Variants in DHRSX observed in about 807,000 individuals in gnomAD.
DHRSX encodes dehydrogenase/reductase X-linked.
In DHRSX, 31 loss-of-function variants were observed where a neutral mutation model predicts 34.0. The ratio of observed to expected loss-of-function variants is 0.91; its 90% confidence interval spans 0.69 to 1.23. The LOEUF (loss-of-function observed/expected upper bound fraction) is 1.23, where lower values mean the gene tolerates loss of function less well. DHRSX is among the 50% of genes most tolerant of loss of function. The probability of loss-of-function intolerance (pLI) is 0.00; values close to 1 mark genes in which losing one functional copy is unlikely to be tolerated. For synonymous variants in DHRSX, 201 were observed against 183.8 expected (o/e 1.09, Z -0.76); for missense variants, 414 against 428.1 (o/e 0.97, Z 0.29).
intron 6 of DHRSX, among the ~76,000 whole-genome samples, chrX:2,231,813 C>CT (rs1184994116): frequency 9.7e-5 from 11 of 113,106 alleles, no homozygotes; most frequent in African/African-American, 4.8e-4. Flanking sequence ...CTCTCTCTCC[C>CT]TTCCTCTTCC....
intron 2 of DHRSX, among the ~76,000 whole-genome samples, chrX:2,412,387 T>G (rs1278258611): frequency 6.6e-6 from 1 of 152,130 alleles, no homozygotes; most frequent in East Asian, 1.9e-4. Context: ...CCCGGCCTGG[T>G]TTTTTTCACA....
At chrX:2,333,654 C>A (rs1161294224) in intron 3 of DHRSX, among the ~76,000 whole-genome samples, 2 of 152,102 alleles carry the variant, frequency 1.3e-5, no homozygotes, top group Non-Finnish European at 2.9e-5. Context: ...ACCTCGTGAT[C>A]TGCCCACCTC....
intron 3 of DHRSX, among the ~76,000 whole-genome samples, chrX:2,401,161 G>A (rs2043481564): frequency 6.7e-6 from 1 of 150,016 alleles, no homozygotes; most frequent in Non-Finnish European, 1.5e-5. Context: ...CCAGGCCGGA[G>A]TGCAGTGGCA....
At chrX:2,259,400 A>ATT (rs2041332487) in intron 5 of DHRSX, among the ~76,000 whole-genome samples, 1 of 120,960 alleles carries the variant, frequency 8.3e-6, no homozygotes, top group Non-Finnish European at 1.7e-5. Context: ...ATATAGATAT[A>ATT]TATATAGATA....
intron 2 of DHRSX, among the ~76,000 whole-genome samples, chrX:2,417,338 A>G (rs183345102): frequency 0.028 from 4,227 of 152,278 alleles, 86 homozygotes; most frequent in Non-Finnish European, 0.047. Flanking sequence ...TCAGTCAACT[A>G]GACCTCACTG....
At chrX:2,445,633 A>C (rs2044121349) in intron 1 of DHRSX, among the ~76,000 whole-genome samples, 1 of 151,606 alleles carries the variant, frequency 6.6e-6, no homozygotes, top group Non-Finnish European at 1.5e-5. Context: ...TTCCCTAAGA[A>C]TGCGGCCAAG....
At position 2,291,498 on chromosome X, in the gene DHRSX, T is replaced by C; in HGVS notation, c.388+4A>G. 1 of 1,611,748 alleles carries C rather than the reference T, an allele frequency of 6.2e-7. No homozygotes were observed. Among genetic ancestry groups the C allele is most frequent in the Non-Finnish European group, 8.5e-7 (1 of 1,178,078 alleles). On this transcript the variant is annotated splice_donor_region_variant and intron_variant, in intron 4 of 6. Coordinates refer to ENST00000334651, the MANE Select transcript of DHRSX (RefSeq NM_145177.3). ...TGGCTTGCTGCAATTTCACCAGGACTCACCATTGTTGATCAGGACATGGAG... is the reference window on the plus strand; with the variant it reads ...TGGCTTGCTGCAATTTCACCAGGACCCACCATTGTTGATCAGGACATGGAG...
intron 5 of DHRSX, among the ~76,000 whole-genome samples, chrX:2,255,215 G>A (rs1247225461): frequency 3.3e-5 from 5 of 151,962 alleles, no homozygotes; most frequent in Admixed American, 6.6e-5. Context: ...GACTTTTTCC[G>A]CTAAGAGAAA....
chrX:2,435,187 G>A (rs750757021), intron 1 of DHRSX, among the ~76,000 whole-genome samples: 1 of 152,224 alleles, frequency 6.6e-6, no homozygotes, highest in South Asian at 2.1e-4. Flanking sequence ...GGGGTTGTTG[G>A]TGAAAGAAAT....
intron 2 of DHRSX, among the ~76,000 whole-genome samples, chrX:2,421,767 A>C (rs2043783090): frequency 6.6e-6 from 1 of 152,232 alleles, no homozygotes; most frequent in South Asian, 2.1e-4. Context: ...CGAGGCTCAG[A>C]ACGCTAGCAG....
At chrX:2,225,727 C>T (rs1229459417) in intron 6 of DHRSX, among the ~76,000 whole-genome samples, 1 of 149,142 alleles carries the variant, frequency 6.7e-6, no homozygotes, top group Non-Finnish European at 1.5e-5. Context: ...AGAGGGACAA[C>T]CCTGTGAGGA....
At chrX:2,263,587 C>T (rs1427377305) in intron 5 of DHRSX, among the ~76,000 whole-genome samples, 1 of 148,874 alleles carries the variant, frequency 6.7e-6, no homozygotes, top group Non-Finnish European at 1.5e-5. Flanking sequence ...GATCTTGGCT[C>T]ACCACAACCT....
intron 3 of DHRSX, among the ~76,000 whole-genome samples, chrX:2,385,953 G>A (rs2043266203): frequency 1.3e-5 from 2 of 151,980 alleles, no homozygotes; most frequent in South Asian, 4.2e-4. Flanking sequence ...TGGGCCATAA[G>A]GTCTCTGTTG....
intron 5 of DHRSX, among the ~76,000 whole-genome samples, chrX:2,263,793 G>A (rs1374303889): frequency 2.0e-5 from 3 of 152,156 alleles, no homozygotes; most frequent in Non-Finnish European, 2.9e-5. Flanking sequence ...TGACAGGCGT[G>A]AGCCACCACA....
At chrX:2,257,540 G>A (rs1446314509) in intron 5 of DHRSX, among the ~76,000 whole-genome samples, 1 of 152,178 alleles carries the variant, frequency 6.6e-6, no homozygotes, top group East Asian at 1.9e-4. Context: ...GTATCTCATG[G>A]ACTGAATTAC....
chrX:2,392,229 CA>C (rs1199445195), intron 3 of DHRSX: 1 of 154,682 alleles, frequency 6.5e-6, no homozygotes, highest in African/African-American at 2.4e-5. Flanking sequence ...CCCTTCACTT[CA>C]ATGGGATTTA....
At chrX:2,244,904 G>T (rs1211091200) in intron 5 of DHRSX, among the ~76,000 whole-genome samples, 1 of 151,816 alleles carries the variant, frequency 6.6e-6, no homozygotes, top group Non-Finnish European at 1.5e-5. Flanking sequence ...TAGAGACGAG[G>T]TTTCACCATG....
At chrX:2,492,778 G>C (rs1247877580) in intron 1 of DHRSX, among the ~76,000 whole-genome samples, 1 of 152,202 alleles carries the variant, frequency 6.6e-6, no homozygotes, top group African/African-American at 2.4e-5. Flanking sequence ...AGCCTCCGGA[G>C]GGAGCGCAGC....
At chrX:2,371,280 G>GTTACCATAGTCCCTCCTCCA (rs1235374368) in intron 3 of DHRSX, among the ~76,000 whole-genome samples, 5 of 142,888 alleles carry the variant, frequency 3.5e-5, no homozygotes, top group African/African-American at 8.2e-5. Context: ...TTCTACTTCT[G>GTTACCATAGTCCCTCCTCCA]TTACCATAGT....
Sources: gnomAD v4.1 joint callset for allele counts (sites outside exome capture counted in the v4.1 genomes callset) on GRCh38, gnomAD v4.1.1 for gene constraint, MANE v1.5 for transcripts, NCBI Gene and HGNC (gene_info 2026-07-23, HGNC 2026-07-21) for gene names.